TNFAIP3: variants seen among roughly 807,000 people sequenced by gnomAD.
The protein encoded by TNFAIP3 is TNF alpha induced protein 3.
Under a neutral mutation model 72.4 loss-of-function variants are expected in TNFAIP3, and 9 were observed. The ratio of observed to expected loss-of-function variants is 0.12; its 90% confidence interval spans 0.07 to 0.22. TNFAIP3 has a LOEUF of 0.22. Among genes scored for constraint, TNFAIP3 ranks in the 10% least tolerant of loss-of-function variants. The probability of loss-of-function intolerance (pLI) is 1.00; values close to 1 mark genes in which losing one functional copy is unlikely to be tolerated. For missense variants in TNFAIP3, 833 were observed against 1,018.7 expected (o/e 0.82, Z 2.48); for synonymous variants, 339 against 372.6 (o/e 0.91, Z 1.04).
At chr6:137,867,148 G>C (rs1172158276), upstream of TNFAIP3, 1 of 151,776 alleles carries the variant, frequency 6.6e-6, no homozygotes, top group Non-Finnish European at 1.5e-5. This position sits in a 1 kb window ranked among gnomAD's most constrained non-coding sequence, Gnocchi z 6.0. Flanking sequence ...CTGGCGGCCG[G>C]CTGGACGCAC....
Position 137,875,051 on chromosome 6 carries a change from T to C in TNFAIP3, c.486+16T>C, listed in dbSNP as rs751476356. On this transcript the variant is annotated intron_variant, in intron 3 of 8. Coordinates refer to ENST00000612899, the MANE Select transcript of TNFAIP3 (RefSeq NM_001270508.2). Reference sequence around the variant, plus strand: ...TGATACTCGGGTAGGTTTTTCCCCCTAATTATCTACTAACAGAGCTCCATG... The same window carrying C: ...TGATACTCGGGTAGGTTTTTCCCCCCAATTATCTACTAACAGAGCTCCATG... The C allele has an allele frequency of 6.1e-5, 99 of 1,613,564 alleles. No homozygotes were observed. Among genetic ancestry groups the C allele is most frequent in the Non-Finnish European group, 8.2e-5 (97 of 1,179,866 alleles).
intron 1 of TNFAIP3, among the ~76,000 whole-genome samples, chr6:137,870,753 G>T (rs1192627305): frequency 1.3e-5 from 2 of 152,170 alleles, no homozygotes; most frequent in Non-Finnish European, 2.9e-5. Context: ...GGAGTGCTTG[G>T]TGGTGGTCTG....
chr6:137,868,964 G>A (rs1187647984), intron 1 of TNFAIP3, among the ~76,000 whole-genome samples: 1 of 117,538 alleles, frequency 8.5e-6, no homozygotes. Flanking sequence ...AAAATCTTTA[G>A]ATTCAGAAGA....
rs527896759 is a variant in TNFAIP3, at chr6:137,871,670, G to T, written c.295+148G>T. 2.3e-6 allele frequency: 2 copies of T among 878,782 alleles called. No homozygotes were observed. Among genetic ancestry groups the T allele is most frequent in the Non-Finnish European group, 3.4e-6 (2 of 585,156 alleles). The allele number at this position is 878,782 out of a possible 1,614,324, so 54.4% of individuals were successfully genotyped here. A position where few individuals can be genotyped will look rare whatever the true frequency, so the allele number is the denominator to read the frequency against. ...ACCTTTATATAGAATCTCTATTCGGGGTATGTGATAATAGCAGACTTGTTT... is the reference window on the plus strand; with the variant it reads ...ACCTTTATATAGAATCTCTATTCGGTGTATGTGATAATAGCAGACTTGTTT... On this transcript the variant is annotated intron_variant, in intron 2 of 8. Coordinates refer to ENST00000612899, the MANE Select transcript of TNFAIP3 (RefSeq NM_001270508.2). The surrounding 1 kb of genome is among the most constrained non-coding windows in gnomAD (Gnocchi z 4.2).
chr6:137,873,390 G>T (rs185979374), intron 2 of TNFAIP3, among the ~76,000 whole-genome samples: 1 of 152,260 alleles, frequency 6.6e-6, no homozygotes, highest in East Asian at 1.9e-4. Flanking sequence ...AAATTCCAGC[G>T]TCTATTGGCT....
rs773006068 is a variant in TNFAIP3, at chr6:137,878,621, C to T, written c.1176C>T (p.Cys392=). 6.2e-7 allele frequency: 1 copy of T among 1,614,244 alleles called. No individual in the cohort carries two copies. The highest frequency in any genetic ancestry group is 8.5e-7 in the Non-Finnish European group (1 of 1,180,042). ...LMDVKCETPN[C]PFFMSVNTQP... The stretch of plus-strand genomic sequence containing the variant: ...ATGTAAAATGTGAAACGCCCAACTG[C>T]CCCTTCTTCATGTCTGTGAACACCC... The change falls in exon 7 of 9, where the codon TGC becomes TGT. Residue 392 remains cysteine, a synonymous_variant. Coordinates refer to ENST00000612899, the MANE Select transcript of TNFAIP3 (RefSeq NM_001270508.2).
intron 2 of TNFAIP3, among the ~76,000 whole-genome samples, chr6:137,874,356 A>G (rs1776160101): frequency 6.6e-6 from 1 of 152,222 alleles, no homozygotes; most frequent in African/African-American, 2.4e-5. Context: ...TAGCCAGACC[A>G]TCCCTATCTA....
intron 2 of TNFAIP3, among the ~76,000 whole-genome samples, chr6:137,873,624 G>A (rs1776132919): frequency 1.3e-5 from 2 of 152,132 alleles, no homozygotes; most frequent in Non-Finnish European, 2.9e-5. Flanking sequence ...CTGAAAGTAA[G>A]CACAAGAAGA....
chr6:137,878,756 C>T lies in TNFAIP3; in HGVS notation c.1311C>T (p.Ala437=). 1 of 1,614,120 alleles carries T rather than the reference C, an allele frequency of 6.2e-7. No individual in the cohort carries two copies. Among genetic ancestry groups the T allele is most frequent in the Non-Finnish European group, 8.5e-7 (1 of 1,180,034 alleles). The change falls in exon 7 of 9, where the codon GCC becomes GCT. Residue 437 remains alanine, a synonymous_variant. Transcript: ENST00000612899. ...PEGLPGMALG[A]SRGEAYEPLA... is the part of the protein sequence containing the mutation. ...GGCTCCCTGGCATGGCGCTCGGGGC[C>T]TCTCGGGGAGAAGCCTATGAGCCCT...
At position 137,881,353 on chromosome 6, in the gene TNFAIP3, G is replaced by C. The variant is rs1296079196; in HGVS notation, c.*34G>C. ...AGGTGGGTCACCTCCTGCAAGAAGT[G>C]GGGCCTCGAGCTGTCAGTCATCATG... On this transcript the variant is annotated 3_prime_UTR_variant, in exon 9 of 9. Transcript: ENST00000612899. This position sits in a 1 kb window ranked among gnomAD's most constrained non-coding sequence, Gnocchi z 5.0. The C allele has an allele frequency of 6.6e-7, 1 of 1,519,636 alleles. No homozygotes were observed. The highest frequency in any genetic ancestry group is 1.3e-5 in the South Asian group (1 of 76,640). 94.1% of individuals were successfully genotyped at this position (1,519,636 alleles called of 1,614,324 possible). A position where few individuals can be genotyped will look rare whatever the true frequency, so the allele number is the denominator to read the frequency against.
Position 137,882,511 on chromosome 6 carries a change from A to G in TNFAIP3, c.*1192A>G. The stretch of plus-strand genomic sequence containing the variant: ...AAAGAAGGAATTGCATCCAAGGTAT[A>G]CATACATATTCATCGATGTTTCGTG... On this transcript the variant is annotated 3_prime_UTR_variant, in exon 9 of 9. Coordinates refer to ENST00000612899, the MANE Select transcript of TNFAIP3 (RefSeq NM_001270508.2). 8.6e-6 allele frequency: 2 copies of G among 232,394 alleles called. No homozygotes were observed. Among genetic ancestry groups the G allele is most frequent in the Non-Finnish European group, 1.7e-5 (2 of 117,418 alleles). 14.4% of individuals were successfully genotyped at this position (232,394 alleles called of 1,614,324 possible).
In TNFAIP3 at chr6:137,871,667, C is replaced by T. The variant is rs1233462806; in HGVS notation, c.295+145C>T. 1.7e-5 allele frequency: 15 copies of T among 894,414 alleles called. No individual in the cohort carries two copies. Among genetic ancestry groups the T allele is most frequent in the Non-Finnish European group, 2.2e-5 (13 of 597,804 alleles). 55.4% of individuals were successfully genotyped at this position (894,414 alleles called of 1,614,324 possible). On this transcript the variant is annotated intron_variant, in intron 2 of 8. Transcript: ENST00000612899. This position sits in a 1 kb window ranked among gnomAD's most constrained non-coding sequence, Gnocchi z 4.2. Reference sequence around the variant, plus strand: ...GAGACCTTTATATAGAATCTCTATTCGGGGTATGTGATAATAGCAGACTTG... The same window carrying T: ...GAGACCTTTATATAGAATCTCTATTTGGGGTATGTGATAATAGCAGACTTG...
Position 137,878,868 on chromosome 6 carries a change from G to A in TNFAIP3, c.1423G>A (p.Ala475Thr). The A allele has an allele frequency of 6.2e-7, 1 of 1,614,132 alleles. No individual in the cohort carries two copies. Among genetic ancestry groups the A allele is most frequent in the Non-Finnish European group, 8.5e-7 (1 of 1,180,020 alleles). Residue 475 changes from alanine (A) to threonine (T), a missense_variant, in exon 7 of 9, where the codon GCC becomes ACC. This residue lies in a region of TNFAIP3 where 587 missense variants were observed against 657.8 expected (regional missense o/e 0.89). Coordinates refer to ENST00000612899, the MANE Select transcript of TNFAIP3 (RefSeq NM_001270508.2). ...CCCTTTTCTGTTCAGTGAGACCACT[G>A]CCATGAAGTGCAGGAGCCCCGGCTG... ...PSPFLFSETT[A>T]MKCRSPGCPF...
intron 7 of TNFAIP3, 104 bp downstream of exon 7, chr6:137,879,455 G>T: frequency 7.5e-7 from 1 of 1,340,158 alleles, no homozygotes; most frequent in Non-Finnish European, 1.0e-6. Flanking sequence ...AGGCAGAACT[G>T]TCAGGACCTA....
Position 137,874,992 on chromosome 6 carries a change from A to C in TNFAIP3, c.443A>C (p.Lys148Thr). The stretch of plus-strand genomic sequence containing the variant: ...TTCCGCTGGCAACTGGAGTCTCTCA[A>C]ATCTCAGGAATTTGTTGAAACGGGG... ...FKFRWQLESL[K>T]SQEFVETGLC... Residue 148 changes from lysine (K) to threonine (T), a missense_variant, in exon 3 of 9, where the codon AAA becomes ACA. By Grantham distance (78) the Lys-to-Thr change is moderately conservative. Coordinates refer to ENST00000612899, the MANE Select transcript of TNFAIP3 (RefSeq NM_001270508.2). 6.2e-7 allele frequency: 1 copy of C among 1,614,188 alleles called. No homozygotes were observed. Among genetic ancestry groups the C allele is most frequent in the Non-Finnish European group, 8.5e-7 (1 of 1,180,022 alleles).
rs1040089085 is a variant in TNFAIP3, at chr6:137,883,311, C to T, written c.*1992C>T. ...CATTAAAAAATAAATTATTTAAGAA[C>T]AGATTGTGATGTTTTCAATTGATGA... On this transcript the variant is annotated 3_prime_UTR_variant, in exon 9 of 9. Transcript: ENST00000612899. 3 of 181,070 alleles carry T rather than the reference C, an allele frequency of 1.7e-5. No individual in the cohort carries two copies. The highest frequency in any genetic ancestry group is 7.1e-5 in the African/African-American group (3 of 42,392). The allele number at this position is 181,070 out of a possible 1,614,324, so 11.2% of individuals were successfully genotyped here.
At chr6:137,878,385 T>G (rs1776321499) in intron 6 of TNFAIP3, 47 bp from the exon 7 acceptor site, 1 of 1,491,084 alleles carries the variant, frequency 6.7e-7, no homozygotes, top group Non-Finnish European at 9.1e-7. Flanking sequence ...AAATCTTGTG[T>G]GTGATTTTGT....
intron 6 of TNFAIP3, among the ~76,000 whole-genome samples, chr6:137,877,755 G>T (rs2114493392): frequency 6.6e-6 from 1 of 152,334 alleles, no homozygotes; most frequent in South Asian, 2.1e-4. Flanking sequence ...AATACCCATT[G>T]TGCAGGTATC....
upstream of TNFAIP3, among the ~76,000 whole-genome samples, chr6:137,866,412 A>G (rs1775838356): frequency 6.6e-6 from 1 of 152,182 alleles, no homozygotes; most frequent in Non-Finnish European, 1.5e-5. Context: ...AACACACCTA[A>G]TAAAGCCTTG....
Sources: gnomAD v4.1 joint callset for allele counts (sites outside exome capture counted in the v4.1 genomes callset) on GRCh38, gnomAD v4.1.1 for gene constraint, gnomAD v4.1.1 regional missense constraint, Gnocchi (gnomAD v3.1) non-coding constraint, MANE v1.5 for transcripts, NCBI Gene and HGNC (gene_info 2026-07-23, HGNC 2026-07-21) for gene names.